LSAMP: variants seen among roughly 807,000 people sequenced by gnomAD.
The protein encoded by LSAMP is limbic system associated membrane protein.
Under a neutral mutation model 38.6 loss-of-function variants are expected in LSAMP, and 7 were observed. The ratio of observed to expected loss-of-function variants is 0.18; its 90% CI spans 0.10 to 0.34. The LOEUF (loss-of-function observed/expected upper bound fraction) is 0.34. Among genes scored for constraint, LSAMP ranks in the 10% least tolerant of loss-of-function variants. The pLI is 1.00. For missense variants in LSAMP, 313 were observed against 420.0 expected, an observed-to-expected ratio of 0.75 and a Z score of 2.23; for synonymous variants, 154 against 166.8, an observed-to-expected ratio of 0.92 and a Z score of 0.59.
At chr3:116,266,624 T>A (rs950577672) in intron 1 of LSAMP, among the ~76,000 whole-genome samples, 4 of 152,174 alleles carry the variant, frequency 2.6e-5, no homozygotes, top group African/African-American at 9.7e-5. Context: ...CTTGTACGTA[T>A]GCCTTATGTC....
intron 3 of LSAMP, among the ~76,000 whole-genome samples, chr3:115,972,902 AATTATAT>A (rs1939064433): frequency 6.7e-6 from 1 of 149,420 alleles, no homozygotes; most frequent in African/African-American, 2.4e-5. Flanking sequence ...TATTATTTTG[AATTATAT>A]ATTATTAATA....
At chr3:116,158,662 A>G (rs1321404942) in intron 1 of LSAMP, among the ~76,000 whole-genome samples, 1 of 152,144 alleles carries the variant, frequency 6.6e-6, no homozygotes, top group Non-Finnish European at 1.5e-5. Flanking sequence ...AGACCTCTAC[A>G]ACAACAATTA....
At chr3:116,245,368 C>T (rs150314194) in intron 1 of LSAMP, among the ~76,000 whole-genome samples, 221 of 152,280 alleles carry the variant, frequency 1.5e-3, no homozygotes, top group African/African-American at 5.1e-3. Context: ...CAAACTAATA[C>T]ATGTTACAGA....
At chr3:116,443,008 G>A (rs2049458059) in intron 1 of LSAMP, among the ~76,000 whole-genome samples, 1 of 152,172 alleles carries the variant, frequency 6.6e-6, no homozygotes, top group African/African-American at 2.4e-5. Flanking sequence ...TATAGGAGAT[G>A]CTAACTTAGA....
intron 1 of LSAMP, among the ~76,000 whole-genome samples, chr3:116,157,557 GAAGAA>G (rs1709783172): frequency 6.6e-6 from 1 of 151,926 alleles, no homozygotes; most frequent in African/African-American, 2.4e-5. Context: ...AAAAAATAGA[GAAGAA>G]AACGTAAAAC....
chr3:115,894,972 C>A (rs112554334), intron 3 of LSAMP, among the ~76,000 whole-genome samples: 2 of 106,320 alleles, frequency 1.9e-5, no homozygotes, highest in African/African-American at 3.9e-5. Context: ...CTCAAGAGAA[C>A]CAAATGCGGA....
chr3:116,140,588 T>C (rs764984305), intron 1 of LSAMP, among the ~76,000 whole-genome samples: 3 of 151,996 alleles, frequency 2.0e-5, no homozygotes, highest in Non-Finnish European at 4.4e-5. Context: ...TCTGAAGCTC[T>C]AGATCAAGTA....
At chr3:115,840,646 T>A (rs1934967277) in intron 6 of LSAMP, among the ~76,000 whole-genome samples, 1 of 152,250 alleles carries the variant, frequency 6.6e-6, no homozygotes, top group Non-Finnish European at 1.5e-5. Flanking sequence ...GTTGTTTTTA[T>A]AAACGGAGTT....
At chr3:116,268,089 C>CCTAA (rs371010481) in intron 1 of LSAMP, among the ~76,000 whole-genome samples, 3 of 152,042 alleles carry the variant, frequency 2.0e-5, no homozygotes, top group South Asian at 2.1e-4. Flanking sequence ...AAATAAAAAC[C>CCTAA]CTAACTTGTT....
chr3:115,989,693 G>C (rs1190685980), intron 3 of LSAMP, among the ~76,000 whole-genome samples: 1 of 152,020 alleles, frequency 6.6e-6, no homozygotes, highest in Admixed American at 6.6e-5. Context: ...ATTTCCAGGA[G>C]GGAACCATTG....
chr3:116,197,701 G>A (rs1710925844), intron 1 of LSAMP, among the ~76,000 whole-genome samples: 1 of 152,060 alleles, frequency 6.6e-6, no homozygotes, highest in Non-Finnish European at 1.5e-5. Flanking sequence ...TGGTTCTGCG[G>A]AAGAACACTG....
In LSAMP at chr3:115,805,236, A is replaced by T. The variant is rs1233084425; in HGVS notation, c.*5081T>A. 6.6e-6 allele frequency: 1 copy of T among 152,196 alleles called. No homozygotes were observed. The highest frequency in any genetic ancestry group is 2.4e-5 in the African/African-American group (1 of 41,456). 9.4% of individuals were successfully genotyped at this position (152,196 alleles called of 1,614,324 possible). A position where few individuals can be genotyped will look rare whatever the true frequency, so the allele number is the denominator to read the frequency against. On this transcript the variant is annotated 3_prime_UTR_variant, in exon 7 of 7. Coordinates refer to ENST00000490035, the MANE Select transcript of LSAMP (RefSeq NM_002338.5). ...GGACAATCTCCACTTAGATCCTGAA[A>T]GACCAAAGAGGTGACTTGAGCAGGA...
At chr3:116,269,831 A>G (rs1156234997) in intron 1 of LSAMP, among the ~76,000 whole-genome samples, 2 of 152,154 alleles carry the variant, frequency 1.3e-5, no homozygotes, top group East Asian at 3.9e-4. Context: ...ACACAGGTTC[A>G]ATTCTCTCAC....
rs182084219 is a variant in LSAMP, at chr3:116,415,390, C to T, written c.155+29487G>A. On this transcript the variant is annotated intron_variant, in intron 1 of 6. Transcript: ENST00000490035. ...CATTGCTGAGGGAGGGCTATAGATA[C>T]AAAGACCTATAGGCCTAAATGACAA... Among the ~76,000 whole-genome samples, 881 of 152,118 alleles carry T rather than the reference C, an allele frequency of 5.8e-3. 4 individuals are homozygous for T. The highest frequency in any genetic ancestry group is 1.0e-2 in the Non-Finnish European group (679 of 67,976).
chr3:116,277,782 C>T (rs934666457), intron 1 of LSAMP, among the ~76,000 whole-genome samples: 1 of 152,194 alleles, frequency 6.6e-6, no homozygotes, highest in African/African-American at 2.4e-5. Context: ...AAGGTTGTGG[C>T]TGTCCCTGGA....
chr3:115,885,439 G>A (rs1301016239), intron 3 of LSAMP, among the ~76,000 whole-genome samples: 1 of 151,844 alleles, frequency 6.6e-6, no homozygotes, highest in Non-Finnish European at 1.5e-5. Flanking sequence ...ACAATTTCAT[G>A]GTTATTAGTT....
intron 3 of LSAMP, among the ~76,000 whole-genome samples, chr3:115,875,033 A>G (rs1209986429): frequency 6.6e-6 from 1 of 152,168 alleles, no homozygotes; most frequent in Non-Finnish European, 1.5e-5. Flanking sequence ...CAACCATATG[A>G]GAGAACATCG....
At chr3:116,207,744 C>A in intron 1 of LSAMP, among the ~76,000 whole-genome samples, 1 of 151,934 alleles carries the variant, frequency 6.6e-6, no homozygotes, top group Non-Finnish European at 1.5e-5. Flanking sequence ...CCACTCTCTT[C>A]TGGCTTGTAG....
In LSAMP at chr3:115,810,233, CTCTCTCTCTCTG is replaced by C. The variant is rs1305261253; in HGVS notation, c.*72_*83del. ...AACGGTCTCCCCCATCTCTCTCTCTCTCTCTCTCTCTGTCTCTCTCTCTCTGTATTCTGTGTG... is the reference window on the plus strand; with the variant it reads ...AACGGTCTCCCCCATCTCTCTCTCTCTCTCTCTCTCTCTGTATTCTGTGTG... On this transcript the variant is annotated 3_prime_UTR_variant, in exon 7 of 7. Coordinates refer to ENST00000490035, the MANE Select transcript of LSAMP (RefSeq NM_002338.5). 5 of 948,422 alleles carry C rather than the reference CTCTCTCTCTCTG, an allele frequency of 5.3e-6. No individual in the cohort carries two copies. The highest frequency in any genetic ancestry group is 6.3e-6 in the Non-Finnish European group (4 of 630,750). The allele number at this position is 948,422 out of a possible 1,614,324, so 58.8% of individuals were successfully genotyped here. A position where few individuals can be genotyped will look rare whatever the true frequency, so the allele number is the denominator to read the frequency against.
Sources: gnomAD v4.1 joint callset for allele counts (sites outside exome capture counted in the v4.1 genomes callset) on GRCh38, gnomAD v4.1.1 for gene constraint, MANE v1.5 for transcripts, NCBI Gene and HGNC (gene_info 2026-07-23, HGNC 2026-07-21) for gene names.